AIM2: variants seen among roughly 807,000 people sequenced by gnomAD.
The protein encoded by AIM2 is absent in melanoma 2.
A neutral mutation model predicts 27.7 loss-of-function variants in AIM2; 30 were observed. The observed-to-expected ratio is 1.08, with a 90% CI of 0.81 to 1.47. The LOEUF is 1.47. Among genes scored for constraint, AIM2 ranks in the 40% most tolerant of loss-of-function variants. The pLI is 0.00. For synonymous variants in AIM2, 141 were observed against 145.3 expected (o/e 0.97, Z 0.21); for missense variants, 358 against 411.3 (o/e 0.87, Z 1.12).
At chr1:159,105,907 G>A (rs1379588694) in intron 1 of AIM2, among the ~76,000 whole-genome samples, 13 of 152,060 alleles carry the variant, frequency 8.5e-5, no homozygotes, top group East Asian at 1.9e-4. Context: ...CCATGCTTCG[G>A]GCCATCCTTG....
chr1:159,142,975 C>T (rs888563819), upstream of AIM2, among the ~76,000 whole-genome samples: 1 of 152,206 alleles, frequency 6.6e-6, no homozygotes, highest in African/African-American at 2.4e-5. Flanking sequence ...AGATATCCCT[C>T]CTTCTCCCTC....
intron 1 of AIM2, among the ~76,000 whole-genome samples, chr1:159,101,554 A>G (rs1657312613): frequency 6.6e-6 from 1 of 152,210 alleles, no homozygotes; most frequent in African/African-American, 2.4e-5. Flanking sequence ...ACAGTTTGGA[A>G]GGCTCAGAAG....
chr1:159,069,472 T>A (rs1169327544), intron 2 of AIM2, among the ~76,000 whole-genome samples: 2 of 152,004 alleles, frequency 1.3e-5, no homozygotes, highest in African/African-American at 2.4e-5. Flanking sequence ...TATATGTAAT[T>A]ATCAATTAAA....
intron 1 of AIM2, among the ~76,000 whole-genome samples, chr1:159,121,006 G>A (rs1647521999): frequency 6.6e-6 from 1 of 152,150 alleles, no homozygotes; most frequent in South Asian, 2.1e-4. Flanking sequence ...TTTTACCAAT[G>A]AAGAAACTGA....
chr1:159,114,738 C>T (rs1476920956), intron 1 of AIM2, among the ~76,000 whole-genome samples: 1 of 152,120 alleles, frequency 6.6e-6, no homozygotes, highest in Non-Finnish European at 1.5e-5. Context: ...ACTGAATGGG[C>T]AAAAACTGGA....
chr1:159,111,680 A>G (rs1380739756), intron 1 of AIM2, among the ~76,000 whole-genome samples: 1 of 151,984 alleles, frequency 6.6e-6, no homozygotes, highest in Admixed American at 6.6e-5. Flanking sequence ...GCAGTATAAT[A>G]TAAAATAAAT....
chr1:159,125,894 CAA>C lies in AIM2; in HGVS notation c.-16+14535_-16+14536del, dbSNP rs144534817. On this transcript the variant is annotated intron_variant, in intron 1 of 2. Coordinates refer to the AIM2 transcript ENST00000368129. Reference sequence around the variant, plus strand: ...TCCAGATTTCCATGACCTTTGTGGACAAGAGATTAGAAAACATGCAGTTCTCA... The same window carrying C: ...TCCAGATTTCCATGACCTTTGTGGACGAGATTAGAAAACATGCAGTTCTCA... Among the ~76,000 whole-genome samples the C allele has an allele frequency of 2.7e-3, 412 of 152,162 alleles. 2 individuals carry two copies. Among genetic ancestry groups the C allele is most frequent in the African/African-American group, 9.3e-3 (387 of 41,502 alleles).
intron 1 of AIM2, among the ~76,000 whole-genome samples, chr1:159,107,364 T>C (rs1657472852): frequency 6.6e-6 from 1 of 151,622 alleles, no homozygotes; most frequent in South Asian, 2.1e-4. Flanking sequence ...GAAATAAGAA[T>C]TACTAAAGCA....
intron 4 of AIM2, among the ~76,000 whole-genome samples, chr1:159,064,962 GA>G (rs1177794932): frequency 6.6e-6 from 1 of 152,212 alleles, no homozygotes; most frequent in East Asian, 1.9e-4. Context: ...CAGTATATAT[GA>G]GTGGATAGCT....
At chr1:159,084,743 C>A (rs1486762098) in intron 1 of AIM2, among the ~76,000 whole-genome samples, 1 of 148,638 alleles carries the variant, frequency 6.7e-6, no homozygotes, top group African/African-American at 2.5e-5. Flanking sequence ...CCACTGCACT[C>A]CAGCCTGAGT....
intron 1 of AIM2, among the ~76,000 whole-genome samples, chr1:159,136,710 T>C (rs1648015231): frequency 6.6e-6 from 1 of 152,252 alleles, no homozygotes; most frequent in South Asian, 2.1e-4. Flanking sequence ...ACATAAACAC[T>C]GCAATCATGT....
chr1:159,131,897 T>A (rs897295791), intron 1 of AIM2, among the ~76,000 whole-genome samples: 1 of 152,146 alleles, frequency 6.6e-6, no homozygotes, highest in Non-Finnish European at 1.5e-5. Context: ...ACACATGCAT[T>A]TAAACAGGCA....
upstream of AIM2, chr1:159,081,456 C>T (rs945228118): frequency 4.1e-5 from 20 of 484,998 alleles, no homozygotes; most frequent in Admixed American, 3.2e-4. Flanking sequence ...GGACCTCAGT[C>T]GTCACATCCA....
chr1:159,095,783 T>C (rs1657168906), intron 1 of AIM2, among the ~76,000 whole-genome samples: 1 of 152,170 alleles, frequency 6.6e-6, no homozygotes, highest in Admixed American at 6.6e-5. Context: ...TTGTATATTA[T>C]CAAGAGTTCC....
chr1:159,058,051 T>C (rs1218769753), downstream of AIM2, among the ~76,000 whole-genome samples: 1 of 152,154 alleles, frequency 6.6e-6, no homozygotes, highest in East Asian at 1.9e-4. Flanking sequence ...TTCTTGGACC[T>C]GTTAGAAAGT....
chr1:159,084,989 G>GT (rs1208944787), intron 1 of AIM2, among the ~76,000 whole-genome samples: 5 of 152,130 alleles, frequency 3.3e-5, no homozygotes, highest in Non-Finnish European at 7.4e-5. Flanking sequence ...TAAGTTCACT[G>GT]TTTCTGCTCC....
At chr1:159,143,066 G>C (rs899258643), upstream of AIM2, among the ~76,000 whole-genome samples, 2 of 152,156 alleles carry the variant, frequency 1.3e-5, no homozygotes, top group African/African-American at 2.4e-5. Context: ...TAACCTGTGA[G>C]GCCAGGTGAT....
intron 1 of AIM2, among the ~76,000 whole-genome samples, chr1:159,104,330 A>G (rs1321669519): frequency 6.6e-6 from 1 of 152,340 alleles, no homozygotes; most frequent in African/African-American, 2.4e-5. Flanking sequence ...CATAAGCCAC[A>G]CATAGCTCTC....
chr1:159,138,216 G>GT (rs1045981993), intron 1 of AIM2, among the ~76,000 whole-genome samples: 1 of 152,132 alleles, frequency 6.6e-6, no homozygotes, highest in Non-Finnish European at 1.5e-5. Context: ...GGTGTGCCCT[G>GT]TATCAAACTC....
Sources: gnomAD v4.1 joint callset for allele counts (sites outside exome capture counted in the v4.1 genomes callset) on GRCh38, gnomAD v4.1.1 for gene constraint, MANE v1.5 for transcripts, NCBI Gene and HGNC (gene_info 2026-07-23, HGNC 2026-07-21) for gene names.